SIPA1L1: variants seen among roughly 807,000 people sequenced by gnomAD.
The protein encoded by SIPA1L1 is signal induced proliferation associated 1 like 1.
In SIPA1L1, 26 loss-of-function variants were observed where a neutral mutation model predicts 162.7. The observed-to-expected ratio is 0.16, with a 90% CI of 0.12 to 0.22. The LOEUF is 0.22. Ranked by LOEUF, SIPA1L1 falls within the 10% of genes least tolerant of loss-of-function variation. The pLI, the probability that SIPA1L1 is intolerant of heterozygous loss-of-function variation, is 1.00. For missense variants in SIPA1L1, 1,874 were observed against 2,241.0 expected (o/e 0.84, Z 3.31); for synonymous variants, 829 against 837.4 (o/e 0.99, Z 0.17).
At position 71,585,221 on chromosome 14, in the gene SIPA1L1, A is replaced by C. The variant is rs151088994; in HGVS notation, c.-302-2350A>C. Among the ~76,000 whole-genome samples the C allele has an allele frequency of 2.2e-4, 34 of 151,888 alleles. 1 individual carries two copies. The East Asian group carries it at 4.3e-3, about 19-fold the overall frequency. Reference sequence around the variant, plus strand: ...TAGAAAAGGAAGGTCCTTATGACTGAAAAAAAATCTGTTATTTAACATAAT... The same window carrying C: ...TAGAAAAGGAAGGTCCTTATGACTGCAAAAAAATCTGTTATTTAACATAAT... On this transcript the variant is annotated intron_variant, in intron 4 of 23. Coordinates refer to ENST00000381232, the MANE Select transcript of SIPA1L1 (RefSeq NM_001386936.1).
chr14:71,665,157 CATT>C (rs2043879663), intron 10 of SIPA1L1, among the ~76,000 whole-genome samples: 1 of 152,160 alleles, frequency 6.6e-6, no homozygotes, highest in Admixed American at 6.5e-5. Context: ...TGGAGACTGT[CATT>C]ATCCATTTAT....
intron 2 of SIPA1L1, among the ~76,000 whole-genome samples, chr14:71,394,918 A>G (rs540698526): frequency 1.4e-3 from 218 of 152,368 alleles, no homozygotes; most frequent in Non-Finnish European, 2.6e-3. Flanking sequence ...AATTATTTTC[A>G]TCATTTCAAT....
intron 6 of SIPA1L1, among the ~76,000 whole-genome samples, chr14:71,623,623 T>A (rs2039670985): frequency 6.6e-6 from 1 of 152,210 alleles, no homozygotes; most frequent in South Asian, 2.1e-4. Flanking sequence ...ATCTCCCCCT[T>A]TTTATAATTC....
chr14:71,604,858 G>C (rs559763698), intron 5 of SIPA1L1, among the ~76,000 whole-genome samples: 1 of 152,136 alleles, frequency 6.6e-6, no homozygotes, highest in African/African-American at 2.4e-5. Context: ...AATGTGCTGT[G>C]GAGAAGACCC....
In SIPA1L1 at chr14:71,492,756, G is replaced by A. The variant is rs1009928083; in HGVS notation, c.-464-19987G>A. On this transcript the variant is annotated intron_variant, in intron 2 of 23. Transcript: ENST00000381232. Reference sequence around the variant, plus strand: ...CCATCTCAGCTTCCCAAGTAGCTGGGACCATGGGCATATGCCACCATGCCT... The same window carrying A: ...CCATCTCAGCTTCCCAAGTAGCTGGAACCATGGGCATATGCCACCATGCCT... 3.3e-5 allele frequency among the ~76,000 whole-genome samples: 5 copies of A among 151,798 alleles called. No individual in the cohort carries two copies. The East Asian group carries it at 5.8e-4, about 18-fold the overall frequency.
intron 8 of SIPA1L1, among the ~76,000 whole-genome samples, chr14:71,654,129 A>G (rs535702645): frequency 1.3e-5 from 2 of 152,306 alleles, no homozygotes; most frequent in Admixed American, 1.3e-4. Context: ...GTAATGAACT[A>G]TTGAACCATT....
chr14:71,708,194 G>T (rs2082614936), intron 16 of SIPA1L1, among the ~76,000 whole-genome samples: 1 of 151,488 alleles, frequency 6.6e-6, no homozygotes, highest in Admixed American at 6.6e-5. Context: ...TTTATAACTG[G>T]AGGTCCTGAA....
At chr14:71,712,231 C>T (rs1337276865) in intron 17 of SIPA1L1, among the ~76,000 whole-genome samples, 2 of 152,132 alleles carry the variant, frequency 1.3e-5, no homozygotes, top group Admixed American at 6.5e-5. Flanking sequence ...CCATTCCTAC[C>T]TTCTCTGTCC....
intron 2 of SIPA1L1, among the ~76,000 whole-genome samples, chr14:71,438,989 T>C (rs1185900637): frequency 6.6e-6 from 1 of 152,108 alleles, no homozygotes; most frequent in East Asian, 1.9e-4. Context: ...TGCCCTCTGC[T>C]TTCCTGCTTA....
chr14:71,627,363 T>G (rs1054333323), intron 7 of SIPA1L1, among the ~76,000 whole-genome samples: 2 of 151,814 alleles, frequency 1.3e-5, no homozygotes, highest in Non-Finnish European at 2.9e-5. Flanking sequence ...GCCAGGGTGG[T>G]CTCGAACTCC....
intron 2 of SIPA1L1, among the ~76,000 whole-genome samples, chr14:71,510,161 C>G (rs1166958803): frequency 6.7e-6 from 1 of 150,232 alleles, no homozygotes; most frequent in Non-Finnish European, 1.5e-5. Context: ...TGCTAGTTCC[C>G]CTTAATCCCC....
At chr14:71,633,208 TGCAG>T (rs2040778195) in intron 7 of SIPA1L1, among the ~76,000 whole-genome samples, 2 of 152,230 alleles carry the variant, frequency 1.3e-5, no homozygotes, top group African/African-American at 4.8e-5. Flanking sequence ...GTCGCCAGGC[TGCAG>T]TGCAGTGGCT....
rs190736426 is a variant in SIPA1L1 at position 71,703,143 on chromosome 14, A to G, written c.3646+638A>G. ...CTAGTTGATACAATAACATTTTGCC[A>G]TGAAACAAGATTTTCAACACAGGAG... On this transcript the variant is annotated intron_variant, in intron 15 of 23. Coordinates refer to ENST00000381232, the MANE Select transcript of SIPA1L1 (RefSeq NM_001386936.1). Among the ~76,000 whole-genome samples the G allele has an allele frequency of 1.3e-3, 200 of 152,334 alleles. 2 individuals carry two copies. Among genetic ancestry groups the G allele is most frequent in the Admixed American group, 0.013 (197 of 15,308 alleles).
chr14:71,665,811 G>T (rs377002365), intron 10 of SIPA1L1, among the ~76,000 whole-genome samples: 1 of 152,130 alleles, frequency 6.6e-6, no homozygotes, highest in African/African-American at 2.4e-5. Flanking sequence ...ATATGATAAC[G>T]TTTAATTTCT....
intron 4 of SIPA1L1, among the ~76,000 whole-genome samples, chr14:71,579,087 A>G (rs1258271253): frequency 6.6e-6 from 1 of 152,218 alleles, no homozygotes; most frequent in Non-Finnish European, 1.5e-5. Flanking sequence ...AATTGTATGC[A>G]GTTATGATTG....
chr14:71,661,194 A>G (rs1251287406), intron 9 of SIPA1L1, 116 bp from the exon 10 acceptor site: 10 of 1,021,090 alleles, frequency 9.8e-6, no homozygotes, highest in Admixed American at 4.9e-5. Context: ...TAGATTACCT[A>G]CCTTCATGTG....
chr14:71,485,550 C>G lies in SIPA1L1; in HGVS notation c.-464-27193C>G, dbSNP rs186365111. Among the ~76,000 whole-genome samples the G allele has an allele frequency of 2.1e-3, 323 of 151,848 alleles. 1 individual carries two copies. Among genetic ancestry groups the G allele is most frequent in the African/African-American group, 7.5e-3 (310 of 41,396 alleles). On this transcript the variant is annotated intron_variant, in intron 2 of 23. Transcript: ENST00000381232. ...GAATCTAATGCCCGATGATCTGTCA[C>G]TGTCTCCCATCACCCCCAGATGGGA...
rs952561086 is a variant in SIPA1L1 at position 71,324,782 on chromosome 14, T to C, written c.-465+3601T>C. On this transcript the variant is annotated intron_variant, in intron 2 of 23. Coordinates refer to ENST00000381232, the MANE Select transcript of SIPA1L1 (RefSeq NM_001386936.1). ...ATTTCCATTTGCGGAAGAAATTAGG[T>C]GTACCATCCTTGTTTCTGGACCATG... Among the ~76,000 whole-genome samples the C allele has an allele frequency of 2.0e-5, 3 of 152,242 alleles. No homozygotes were observed. The East Asian group carries it at 5.8e-4, about 29-fold the overall frequency.
chr14:71,662,857 T>C (rs1386210180), intron 10 of SIPA1L1, among the ~76,000 whole-genome samples: 1 of 152,188 alleles, frequency 6.6e-6, no homozygotes, highest in Non-Finnish European at 1.5e-5. Flanking sequence ...TTGACTATAA[T>C]TGGGATGGAT....
Sources: allele counts gnomAD v4.1 joint callset (sites outside exome capture counted in the v4.1 genomes callset), GRCh38; gene constraint gnomAD v4.1.1; transcripts MANE v1.5; gene names NCBI Gene and HGNC (gene_info 2026-07-23, HGNC 2026-07-21).